The following DCAKD variants were observed in gnomAD, a reference collection of about 807,000 sequenced individuals.
DCAKD encodes the protein dephospho-CoA kinase domain-containing protein.
DCAKD carries 15 observed loss-of-function variants against 18.7 expected under a neutral mutation model. That is an observed-to-expected ratio of 0.80 (90% CI 0.54 to 1.24). The LOEUF is 1.24. Ranked by LOEUF, DCAKD falls within the 50% of genes most tolerant of loss-of-function variation. DCAKD has a pLI of 0.00. For synonymous variants in DCAKD, 130 were observed against 133.0 expected (o/e 0.98, Z 0.16); for missense variants, 301 against 322.0 (o/e 0.93, Z 0.50).
At chr17:45,031,998 G>A in intron 3 of DCAKD, 1 of 985,432 alleles carries the variant, frequency 1.0e-6, no homozygotes, top group Non-Finnish European at 1.2e-6. Context: ...GGTGGTGGTT[G>A]GGGAGGCGGG....
Position 45,034,909 on chromosome 17 carries a change from C to T in DCAKD, c.-24G>A, listed in dbSNP as rs755310973. Reference sequence around the variant, plus strand: ...ATCTTCCAGGAAAGAGAGCTGTCCGCGAGACTACGGAGCCAGGAGCTACAG... The same window carrying T: ...ATCTTCCAGGAAAGAGAGCTGTCCGTGAGACTACGGAGCCAGGAGCTACAG... On this transcript the variant is annotated 5_prime_UTR_variant, in exon 2 of 5. Coordinates refer to ENST00000651974, the MANE Select transcript of DCAKD (RefSeq NM_001288655.2). The T allele has an allele frequency of 1.9e-5, 31 of 1,612,074 alleles. No individual in the cohort carries two copies. Among genetic ancestry groups the T allele is most frequent in the Middle Eastern group, 1.7e-4 (1 of 6,056 alleles).
intron 1 of DCAKD, among the ~76,000 whole-genome samples, chr17:45,059,156 C>T (rs2053820857): frequency 6.6e-6 from 1 of 152,010 alleles, no homozygotes; most frequent in Admixed American, 6.6e-5. Context: ...AGGAGAATGG[C>T]GTGAACCCGG....
At chr17:45,044,693 A>AATCAATC (rs1567845798) in intron 1 of DCAKD, among the ~76,000 whole-genome samples, 2 of 10,092 alleles carry the variant, frequency 2.0e-4, no homozygotes, top group Non-Finnish European at 2.9e-4. Context: ...CTCCATCAAT[A>AATCAATC]AATAAATAAA....
intron 1 of DCAKD, among the ~76,000 whole-genome samples, chr17:45,045,032 T>C (rs2053534489): frequency 6.6e-6 from 1 of 152,116 alleles, no homozygotes; most frequent in Non-Finnish European, 1.5e-5. Context: ...TTTCAGTATT[T>C]TGGGCAACAA....
intron 4 of DCAKD, among the ~76,000 whole-genome samples, chr17:45,029,126 G>A (rs540234418): frequency 6.6e-6 from 1 of 152,374 alleles, no homozygotes; most frequent in East Asian, 1.9e-4. Flanking sequence ...CTCTCAAACA[G>A]GGAATGAAGA....
chr17:45,027,229 T>C (rs775823578), intron 4 of DCAKD, among the ~76,000 whole-genome samples: 72 of 152,206 alleles, frequency 4.7e-4, no homozygotes, highest in Non-Finnish European at 9.4e-4. Context: ...CAATCCCAGC[T>C]ACTCAAGAGG....
chr17:45,044,720 T>C (rs1175258220), intron 1 of DCAKD, among the ~76,000 whole-genome samples: 1 of 118,506 alleles, frequency 8.4e-6, no homozygotes, highest in Admixed American at 9.6e-5. Context: ...AATAAATAAA[T>C]AAATAAATAA....
At chr17:45,032,075 A>G in intron 3 of DCAKD, 2 of 985,378 alleles carry the variant, frequency 2.0e-6, no homozygotes, top group Non-Finnish European at 2.4e-6. Context: ...TTAATTTCAG[A>G]AGGGGAGAGC....
At chr17:45,031,561 G>A (rs2053171275) in intron 3 of DCAKD, 6 of 985,184 alleles carry the variant, frequency 6.1e-6, no homozygotes, top group Admixed American at 6.2e-5. Context: ...ACTGTTGCAG[G>A]GGGAGGCCAA....
At chr17:45,037,608 G>A (rs115585973) in intron 1 of DCAKD, among the ~76,000 whole-genome samples, 1,770 of 151,796 alleles carry the variant, frequency 0.012, 32 homozygotes, top group African/African-American at 0.04. Flanking sequence ...ACATGCAGCC[G>A]TCACCATGCC....
At chr17:45,050,607 T>C (rs1443159646) in intron 1 of DCAKD, among the ~76,000 whole-genome samples, 4 of 152,106 alleles carry the variant, frequency 2.6e-5, no homozygotes, top group Non-Finnish European at 5.9e-5. Context: ...ATTTCACCCC[T>C]TTCCCCAGGC....
At position 45,047,460 on chromosome 17, in the gene DCAKD, T is replaced by A. The variant is rs985858455; in HGVS notation, c.-115+3901A>T. Among the ~76,000 whole-genome samples the A allele has an allele frequency of 8.6e-5, 13 of 151,588 alleles. 1 individual carries two copies. Among genetic ancestry groups the A allele is most frequent in the African/African-American group, 3.2e-4 (13 of 41,198 alleles). On this transcript the variant is annotated intron_variant, in intron 1 of 4. Transcript: ENST00000651974. Reference sequence around the variant, plus strand: ...AACACGCCCGGCTAATTTTTAAAAATTTTTTGTAGAGATGAGGTTTTGCTG... The same window carrying A: ...AACACGCCCGGCTAATTTTTAAAAAATTTTTGTAGAGATGAGGTTTTGCTG...
At chr17:45,055,029 G>C (rs568094691), upstream of DCAKD, among the ~76,000 whole-genome samples, 1 of 152,334 alleles carries the variant, frequency 6.6e-6, no homozygotes, top group East Asian at 1.9e-4. Context: ...ATAGGAAAGG[G>C]TGAAGGGCTG....
At chr17:45,033,950 C>A in intron 3 of DCAKD, 1 of 1,557,882 alleles carries the variant, frequency 6.4e-7, no homozygotes, top group South Asian at 1.1e-5. Flanking sequence ...GGGCTCATGG[C>A]TCGAAAGCCT....
In DCAKD at chr17:45,023,683, G is replaced by A. The variant is rs1257914023; in HGVS notation, c.*750C>T. On this transcript the variant is annotated 3_prime_UTR_variant, in exon 5 of 5. Transcript: ENST00000651974. ...CCCAGGCCAGGAGCAGCAGGTTGAAGGCACAGAGGCAAGAAACAGCAAGGA... is the reference window on the plus strand; with the variant it reads ...CCCAGGCCAGGAGCAGCAGGTTGAAAGCACAGAGGCAAGAAACAGCAAGGA... 6.6e-6 allele frequency: 1 copy of A among 151,876 alleles called. No homozygotes were observed. Among genetic ancestry groups the A allele is most frequent in the Non-Finnish European group, 1.5e-5 (1 of 68,032 alleles). 9.4% of individuals were successfully genotyped at this position (151,876 alleles called of 1,614,324 possible).
intron 1 of DCAKD, among the ~76,000 whole-genome samples, chr17:45,046,659 G>A (rs1023108138): frequency 1.1e-4 from 17 of 148,854 alleles, no homozygotes; most frequent in South Asian, 2.1e-4. Flanking sequence ...GTTTGCCCAC[G>A]GTAGTGCCAG....
chr17:45,038,168 C>T (rs1343398876), intron 1 of DCAKD, among the ~76,000 whole-genome samples: 3 of 151,938 alleles, frequency 2.0e-5, no homozygotes, highest in Non-Finnish European at 4.4e-5. Flanking sequence ...TCTCTGCCTC[C>T]TGGGTTCAAG....
chr17:45,033,782 C>T, intron 3 of DCAKD: 1 of 911,526 alleles, frequency 1.1e-6, no homozygotes, highest in Non-Finnish European at 1.4e-6. Flanking sequence ...GGATTATTAT[C>T]CCCACTGCAC....
At chr17:45,052,705 A>AC (rs1392951795), upstream of DCAKD, among the ~76,000 whole-genome samples, 3 of 151,762 alleles carry the variant, frequency 2.0e-5, no homozygotes, top group Admixed American at 1.3e-4. Flanking sequence ...CAAAAAAAAA[A>AC]AACAAAAAAC....
Sources: gnomAD v4.1 joint callset for allele counts (sites outside exome capture counted in the v4.1 genomes callset) on GRCh38, gnomAD v4.1.1 for gene constraint, MANE v1.5 for transcripts, NCBI Gene and HGNC (gene_info 2026-07-23, HGNC 2026-07-21) for gene names.